Variants in LHPP observed in about 807,000 individuals in gnomAD.
LHPP encodes the protein phospholysine phosphohistidine inorganic pyrophosphate phosphatase.
LHPP carries 24 observed loss-of-function variants against 30.3 expected under a neutral mutation model. The observed-to-expected ratio is 0.79, with a 90% CI of 0.57 to 1.11. The LOEUF (loss-of-function observed/expected upper bound fraction) is 1.11. Among genes scored for constraint, LHPP ranks in the 50% most tolerant of loss-of-function variants. The pLI, the probability that LHPP is intolerant of heterozygous loss-of-function variation, is 0.00. For synonymous variants in LHPP, 150 were observed against 157.1 expected (o/e 0.95, Z 0.34); for missense variants, 356 against 367.2 (o/e 0.97, Z 0.25).
At chr10:124,491,606 T>C (rs567581992) in intron 3 of LHPP, among the ~76,000 whole-genome samples, 133 of 152,344 alleles carry the variant, frequency 8.7e-4, no homozygotes, top group African/African-American at 2.9e-3. Flanking sequence ...AGCTACATTC[T>C]AGAGCAGACT....
intron 6 of LHPP, among the ~76,000 whole-genome samples, chr10:124,607,005 G>A (rs1378614223): frequency 2.0e-5 from 3 of 152,042 alleles, no homozygotes; most frequent in African/African-American, 7.2e-5. Context: ...CTGTCTCATG[G>A]TTCTTCCTGT....
chr10:124,567,233 G>A (rs1274056442), intron 6 of LHPP, among the ~76,000 whole-genome samples: 1 of 152,240 alleles, frequency 6.6e-6, no homozygotes, highest in Non-Finnish European at 1.5e-5. Context: ...AGCTCCAGGT[G>A]GGCAGGCCTT....
intron 6 of LHPP, among the ~76,000 whole-genome samples, chr10:124,587,884 G>A (rs1252735324): frequency 2.6e-5 from 4 of 152,184 alleles, no homozygotes; most frequent in South Asian, 2.1e-4. Context: ...GGCCCTGGCC[G>A]AGTGCTGAAT....
chr10:124,500,054 T>C (rs1953854264), intron 5 of LHPP, among the ~76,000 whole-genome samples: 1 of 152,064 alleles, frequency 6.6e-6, no homozygotes, highest in African/African-American at 2.4e-5. Context: ...TCTTTTTTTA[T>C]TAGAGATTTC....
intron 6 of LHPP, among the ~76,000 whole-genome samples, chr10:124,522,903 G>T (rs778148867): frequency 6.6e-6 from 1 of 152,150 alleles, no homozygotes; most frequent in African/African-American, 2.4e-5. Flanking sequence ...GGAGAAGGAA[G>T]AGCCGCTGGC....
At chr10:124,556,851 G>A (rs972198429) in intron 6 of LHPP, among the ~76,000 whole-genome samples, 1 of 151,988 alleles carries the variant, frequency 6.6e-6, no homozygotes, top group African/African-American at 2.4e-5. Context: ...AGTCTTTTTT[G>A]TATGTTTTTT....
At chr10:124,489,838 A>G in intron 3 of LHPP, 1 of 212,842 alleles carries the variant, frequency 4.7e-6, no homozygotes, top group Non-Finnish European at 9.4e-6. Context: ...GAGGTGGCTG[A>G]CCATGTCCAC....
intron 1 of LHPP, among the ~76,000 whole-genome samples, chr10:124,481,020 A>C (rs983152435): frequency 1.3e-5 from 2 of 151,798 alleles, no homozygotes; most frequent in Non-Finnish European, 2.9e-5. Context: ...GGTCATTTAG[A>C]CTTCTCAGTC....
intron 6 of LHPP, among the ~76,000 whole-genome samples, chr10:124,555,566 G>A (rs1948283852): frequency 6.6e-6 from 1 of 152,106 alleles, no homozygotes; most frequent in Non-Finnish European, 1.5e-5. Context: ...AGGTCAGCAT[G>A]GGGGACCTTG....
intron 6 of LHPP, among the ~76,000 whole-genome samples, chr10:124,529,841 A>G (rs1388128750): frequency 6.6e-6 from 1 of 151,992 alleles, no homozygotes; most frequent in Non-Finnish European, 1.5e-5. Flanking sequence ...ACATGCGCAC[A>G]TGCACCCACG....
rs1444393492 is a variant in LHPP at position 124,478,938 on chromosome 10, G to A, written c.126-5201G>A. 2.6e-5 allele frequency among the ~76,000 whole-genome samples: 4 copies of A among 152,088 alleles called. No individual in the cohort carries two copies. Among genetic ancestry groups the A allele is most frequent in the Admixed American group, 6.6e-5 (1 of 15,256 alleles). ...ATAAAAATTAGCCGGGCATGGTGGT[G>A]GGCACCTGTAATCCCAGCTACTCGG... On this transcript the variant is annotated intron_variant, in intron 1 of 6. Coordinates refer to ENST00000368842, the MANE Select transcript of LHPP (RefSeq NM_022126.4). This position sits in a 1 kb window ranked among gnomAD's most constrained non-coding sequence, Gnocchi z 4.7.
intron 6 of LHPP, among the ~76,000 whole-genome samples, chr10:124,599,081 G>GCA (rs1948989746): frequency 6.7e-6 from 1 of 150,352 alleles, no homozygotes; most frequent in African/African-American, 2.5e-5. Flanking sequence ...CCACCCTGAT[G>GCA]CAGTGCCTGC....
At position 124,611,378 on chromosome 10, in the gene LHPP, G is replaced by A. The variant is rs181550295; in HGVS notation, c.717-1886G>A. The stretch of plus-strand genomic sequence containing the variant: ...CTGTTTCCTCACCTGTTCAAGATGG[G>A]GGTGACCACTTCTTCCTTGGAGGAT... On this transcript the variant is annotated intron_variant, in intron 6 of 6. Coordinates refer to ENST00000368842, the MANE Select transcript of LHPP (RefSeq NM_022126.4). Among the ~76,000 whole-genome samples, 15 of 152,118 alleles carry A rather than the reference G, an allele frequency of 9.9e-5. No homozygotes were observed. The East Asian group carries it at 2.5e-3, about 26-fold the overall frequency.
intron 6 of LHPP, among the ~76,000 whole-genome samples, chr10:124,597,867 GTT>G (rs910302103): frequency 3.9e-5 from 6 of 152,234 alleles, no homozygotes; most frequent in Non-Finnish European, 7.3e-5. Context: ...TGCTTAACGT[GTT>G]TTTATCAAAA....
intron 6 of LHPP, among the ~76,000 whole-genome samples, chr10:124,604,849 TG>T (rs1949071586): frequency 1.3e-5 from 2 of 152,240 alleles, no homozygotes; most frequent in Admixed American, 6.5e-5. Context: ...AGGCAGCTGT[TG>T]CGGCCTCCAG....
intron 1 of LHPP, among the ~76,000 whole-genome samples, chr10:124,479,516 C>T (rs1221395742): frequency 6.6e-6 from 1 of 152,194 alleles, no homozygotes; most frequent in Non-Finnish European, 1.5e-5. Context: ...CAACAGCAGA[C>T]GTTTATTTTT....
intron 1 of LHPP, among the ~76,000 whole-genome samples, chr10:124,470,612 C>A (rs895296257): frequency 6.6e-6 from 1 of 151,778 alleles, no homozygotes; most frequent in South Asian, 2.1e-4. Flanking sequence ...ACCATCCAGC[C>A]CTAGGGACAC....
At chr10:124,495,455 C>T (rs1953673228) in intron 3 of LHPP, among the ~76,000 whole-genome samples, 1 of 152,210 alleles carries the variant, frequency 6.6e-6, no homozygotes. Flanking sequence ...GTAAGTTTAG[C>T]CGGGAAGCAT....
rs1052048631 is a variant in LHPP at position 124,596,997 on chromosome 10, G to C, written c.717-16267G>C. ...CTGTCCTTGTGGCTGGAACAAAGCA[G>C]ATGGAGGAAGGTGGGAAGACTTTGT... On this transcript the variant is annotated intron_variant, in intron 6 of 6. Transcript: ENST00000368842. This position sits in a 1 kb window ranked among gnomAD's most constrained non-coding sequence, Gnocchi z 4.6. Among the ~76,000 whole-genome samples the C allele has an allele frequency of 6.6e-6, 1 of 152,226 alleles. No homozygotes were observed. Among genetic ancestry groups the C allele is most frequent in the Non-Finnish European group, 1.5e-5 (1 of 68,044 alleles).
Sources: allele counts gnomAD v4.1 joint callset (sites outside exome capture counted in the v4.1 genomes callset), GRCh38; gene constraint gnomAD v4.1.1; non-coding constraint Gnocchi (gnomAD v3.1); transcripts MANE v1.5; gene names NCBI Gene and HGNC (gene_info 2026-07-23, HGNC 2026-07-21).